NRXN1: variants seen among roughly 807,000 people sequenced by gnomAD.
The protein encoded by NRXN1 is neurexin 1.
In NRXN1, 39 loss-of-function variants were observed where a neutral mutation model predicts 150.9. The observed-to-expected ratio is 0.26, with a 90% CI of 0.20 to 0.34. The LOEUF (loss-of-function observed/expected upper bound fraction) is 0.34. NRXN1 is among the 10% of genes least tolerant of loss of function. NRXN1 has a pLI of 1.00. For synonymous variants in NRXN1, 924 were observed against 757.0 expected (o/e 1.22, Z -3.62); for missense variants, 1,815 against 1,949.9 (o/e 0.93, Z 1.30).
At chr2:49,958,305 A>G (rs1405190083) in intron 21 of NRXN1, among the ~76,000 whole-genome samples, 3 of 152,092 alleles carry the variant, frequency 2.0e-5, no homozygotes. Flanking sequence ...CTATTCAGAC[A>G]TTTTTGGGTC....
intron 8 of NRXN1, among the ~76,000 whole-genome samples, chr2:50,554,959 C>T (rs1394299603): frequency 6.6e-6 from 1 of 152,042 alleles, no homozygotes; most frequent in South Asian, 2.1e-4. Context: ...CTTAAGAATA[C>T]TTTTTTGAAA....
At chr2:50,461,735 C>T (rs959296505) in intron 17 of NRXN1, among the ~76,000 whole-genome samples, 5 of 151,900 alleles carry the variant, frequency 3.3e-5, no homozygotes, top group African/African-American at 9.7e-5. Flanking sequence ...CTGTTTCCTA[C>T]AATTTCAGAA....
At chr2:50,014,498 T>G (rs1453375066) in intron 21 of NRXN1, among the ~76,000 whole-genome samples, 1 of 152,116 alleles carries the variant, frequency 6.6e-6, no homozygotes. Context: ...CAGATGCCAG[T>G]AATCACACCA....
At position 50,038,388 on chromosome 2, in the gene NRXN1, C is replaced by T. The variant is rs527525540; in HGVS notation, c.4128+14883G>A. Among the ~76,000 whole-genome samples the T allele has an allele frequency of 2.3e-3, 357 of 152,232 alleles. 1 individual carries two copies. Among genetic ancestry groups the T allele is most frequent in the Non-Finnish European group, 3.4e-3 (231 of 68,010 alleles). ...CTTTCTCTCTCTCTCTCTCATCTGT[C>T]CTGGAAGAAAAGTAAATTGCCAGCT... On this transcript the variant is annotated intron_variant, in intron 21 of 22. Coordinates refer to ENST00000401669, the MANE Select transcript of NRXN1 (RefSeq NM_001330078.2).
At chr2:50,946,115 T>C (rs1690344485) in intron 2 of NRXN1, among the ~76,000 whole-genome samples, 2 of 151,936 alleles carry the variant, frequency 1.3e-5, no homozygotes, top group Non-Finnish European at 2.9e-5. Flanking sequence ...TAGGATCCCA[T>C]GGGGCTGCCA....
intron 5 of NRXN1, among the ~76,000 whole-genome samples, chr2:50,729,310 T>A (rs115962509): frequency 2.0e-5 from 3 of 152,244 alleles, no homozygotes; most frequent in Non-Finnish European, 4.4e-5. Flanking sequence ...GTATACACTT[T>A]ACAAAGTTTT....
intron 18 of NRXN1, among the ~76,000 whole-genome samples, chr2:50,183,399 C>G (rs1469244675): frequency 6.6e-6 from 1 of 151,878 alleles, no homozygotes; most frequent in Non-Finnish European, 1.5e-5. Context: ...AAAGAGACAG[C>G]TGTTTCTGAA....
Position 50,394,635 on chromosome 2 carries a change from G to GT in NRXN1, c.3364+70806dup, listed in dbSNP as rs199916365. Among the ~76,000 whole-genome samples the GT allele has an allele frequency of 9.2e-3, 1,394 of 151,730 alleles. 22 individuals are homozygous for GT. The highest frequency in any genetic ancestry group is 0.026 in the African/African-American group (1,065 of 41,370). ...ACGCCTGCTACAGCATCCTAATACG[G>GT]TTTTTTTTCCTCCCTCTTCTCTGCA... On this transcript the variant is annotated intron_variant, in intron 17 of 22. Transcript: ENST00000401669.
intron 21 of NRXN1, among the ~76,000 whole-genome samples, chr2:50,028,856 T>A (rs189842485): frequency 6.6e-6 from 1 of 152,214 alleles, no homozygotes; most frequent in Non-Finnish European, 1.5e-5. Context: ...GATAAAATAA[T>A]CTTGGAATCT....
intron 17 of NRXN1, among the ~76,000 whole-genome samples, chr2:50,367,238 G>A (rs1345633775): frequency 6.6e-6 from 1 of 151,884 alleles, no homozygotes; most frequent in Non-Finnish European, 1.5e-5. Context: ...TGGAACTAAA[G>A]AAATGCACCT....
chr2:50,845,062 C>T (rs1673442399), intron 5 of NRXN1, among the ~76,000 whole-genome samples: 1 of 151,408 alleles, frequency 6.6e-6, no homozygotes, highest in South Asian at 2.1e-4. Context: ...CCCCATATTG[C>T]CCAGGCTGGT....
intron 17 of NRXN1, among the ~76,000 whole-genome samples, chr2:50,265,090 G>C (rs2068701352): frequency 6.6e-6 from 1 of 152,118 alleles, no homozygotes; most frequent in South Asian, 2.1e-4. Flanking sequence ...AAAAACATTT[G>C]ATATGGGAGT....
intron 17 of NRXN1, among the ~76,000 whole-genome samples, chr2:50,394,903 T>G (rs2081964465): frequency 6.6e-6 from 1 of 152,024 alleles, no homozygotes. Flanking sequence ...ACATCTGCAT[T>G]TGCTATTTCC....
intron 2 of NRXN1, among the ~76,000 whole-genome samples, chr2:50,963,720 C>T (rs1272014936): frequency 1.3e-5 from 2 of 151,598 alleles, no homozygotes; most frequent in African/African-American, 2.4e-5. Context: ...GAGTGACTAA[C>T]TGATAGTGGT....
intron 21 of NRXN1, among the ~76,000 whole-genome samples, chr2:49,955,704 G>T: frequency 6.6e-6 from 1 of 150,742 alleles, no homozygotes; most frequent in African/African-American, 2.4e-5. Flanking sequence ...CTTTTACTTA[G>T]TTGCAAAAAA....
At chr2:50,504,143 A>AG (rs2092102012) in intron 13 of NRXN1, among the ~76,000 whole-genome samples, 2 of 148,054 alleles carry the variant, frequency 1.4e-5, no homozygotes, top group African/African-American at 5.1e-5. Flanking sequence ...TGACAACTAA[A>AG]AAAAAAAAAA....
Position 51,027,492 on chromosome 2 carries a change from CG to C in NRXN1, c.772+9del, listed in dbSNP as rs755130575. 267 of 1,508,238 alleles carry C rather than the reference CG, an allele frequency of 1.8e-4. No homozygotes were observed. The highest frequency in any genetic ancestry group is 2.2e-4 in the Non-Finnish European group (249 of 1,130,374). The allele number at this position is 1,508,238 out of a possible 1,614,324, so 93.4% of individuals were successfully genotyped here. A position where few individuals can be genotyped will look rare whatever the true frequency, so the allele number is the denominator to read the frequency against. On this transcript the variant is annotated intron_variant, in intron 2 of 22. Transcript: ENST00000401669. ...GCCCCGGCCCCCGTGGGTCGGGCGT[CG>C]GGCCTTACCTTGGCTGCAGTCCTTG...
chr2:50,864,768 A>T (rs1676636802), intron 5 of NRXN1, among the ~76,000 whole-genome samples: 1 of 152,118 alleles, frequency 6.6e-6, no homozygotes, highest in East Asian at 1.9e-4. Flanking sequence ...TATCTGTGAG[A>T]CGTCCTTTGA....
At chr2:50,656,460 C>A in intron 5 of NRXN1, 1 of 748,450 alleles carries the variant, frequency 1.3e-6, no homozygotes. Flanking sequence ...AGATTCTTTT[C>A]AGTTTTTGCT....
Sources: allele counts gnomAD v4.1 joint callset (sites outside exome capture counted in the v4.1 genomes callset), GRCh38; gene constraint gnomAD v4.1.1; transcripts MANE v1.5; gene names NCBI Gene and HGNC (gene_info 2026-07-23, HGNC 2026-07-21).